The following SEMA5A variants were observed in gnomAD, a reference collection of about 807,000 sequenced individuals.
SEMA5A encodes the protein semaphorin 5A.
In SEMA5A, 55 loss-of-function variants were observed where a neutral mutation model predicts 135.5. The observed-to-expected ratio is 0.41, with a 90% CI of 0.33 to 0.51. The LOEUF (loss-of-function observed/expected upper bound fraction) is 0.51. Among genes scored for constraint, SEMA5A ranks in the 20% least tolerant of loss-of-function variants. The probability of loss-of-function intolerance (pLI) is 0.37; values close to 1 mark genes in which losing one functional copy is unlikely to be tolerated. For synonymous variants in SEMA5A, 580 were observed against 546.5 expected, an observed-to-expected ratio of 1.06 and a Z score of -0.85; for missense variants, 1,290 against 1,419.9, an observed-to-expected ratio of 0.91 and a Z score of 1.47.
chr5:9,410,694 C>T (rs962318939), intron 2 of SEMA5A, among the ~76,000 whole-genome samples: 8 of 152,066 alleles, frequency 5.3e-5, no homozygotes, highest in African/African-American at 1.2e-4. Flanking sequence ...GAGCATCACA[C>T]ACCTGGGCCT....
At chr5:9,340,410 G>A (rs182707785) in intron 3 of SEMA5A, among the ~76,000 whole-genome samples, 56 of 152,270 alleles carry the variant, frequency 3.7e-4, no homozygotes, top group African/African-American at 8.7e-4. Flanking sequence ...AAAAGACTAC[G>A]AAAGATAGAA....
intron 21 of SEMA5A, among the ~76,000 whole-genome samples, chr5:9,049,785 A>G (rs542724596): frequency 7.2e-4 from 109 of 152,312 alleles, no homozygotes; most frequent in Middle Eastern, 3.4e-3. Context: ...CTTTATGGGT[A>G]TATGTAAGGC....
chr5:9,154,436 G>A (rs1285233067), intron 12 of SEMA5A, 52 bp downstream of exon 12: 1 of 1,571,442 alleles, frequency 6.4e-7, no homozygotes, highest in South Asian at 1.1e-5. Context: ...GCTCTCTCTG[G>A]GTGGGCCCTT....
intron 15 of SEMA5A, 108 bp downstream of exon 15, chr5:9,118,890 C>T: frequency 1.5e-6 from 2 of 1,368,894 alleles, no homozygotes; most frequent in Non-Finnish European, 2.0e-6. Context: ...AAAGGGATGC[C>T]ACACATAAGC....
chr5:9,351,932 C>T (rs145734713), intron 3 of SEMA5A, among the ~76,000 whole-genome samples: 29 of 152,282 alleles, frequency 1.9e-4, no homozygotes, highest in African/African-American at 5.5e-4. Flanking sequence ...TCTCAGACTC[C>T]GCTGCTTTTC....
chr5:9,148,966 C>T (rs1454796772), intron 12 of SEMA5A, among the ~76,000 whole-genome samples: 2 of 152,164 alleles, frequency 1.3e-5, no homozygotes, highest in Non-Finnish European at 2.9e-5. Flanking sequence ...GTGATCTGCC[C>T]TCCTCAGCCT....
At chr5:9,287,268 A>AAT (rs1390719906) in intron 5 of SEMA5A, among the ~76,000 whole-genome samples, 4 of 152,230 alleles carry the variant, frequency 2.6e-5, no homozygotes, top group African/African-American at 9.6e-5. Flanking sequence ...AGCTAGGGTT[A>AAT]ATTGAATATC....
intron 22 of SEMA5A, chr5:9,043,217 T>C: frequency 2.1e-6 from 1 of 480,358 alleles, no homozygotes; most frequent in Non-Finnish European, 3.6e-6. Flanking sequence ...GGTTGGCAGT[T>C]TGTGATATCT....
In SEMA5A at chr5:9,167,210, G is replaced by T. The variant is rs142851556; in HGVS notation, c.1274-12515C>A. On this transcript the variant is annotated intron_variant, in intron 11 of 22. Transcript: ENST00000382496. ...GCCTGATGTTCCAAGCTGTTTGTTAGCTCGTTATGAGCTTTCTTTAGGCAC... is the reference window on the plus strand; with the variant it reads ...GCCTGATGTTCCAAGCTGTTTGTTATCTCGTTATGAGCTTTCTTTAGGCAC... Among the ~76,000 whole-genome samples, 33 of 152,270 alleles carry T rather than the reference G, an allele frequency of 2.2e-4. No individual in the cohort carries two copies. In the East Asian group the frequency reaches 6.0e-3, roughly 28 times the overall value.
intron 9 of SEMA5A, among the ~76,000 whole-genome samples, chr5:9,200,857 A>G (rs1475977813): frequency 2.6e-5 from 4 of 152,186 alleles, no homozygotes; most frequent in Non-Finnish European, 5.9e-5. Context: ...AAATTAAAAT[A>G]CTTAGGAAGC....
Position 9,158,036 on chromosome 5 carries a change from TA to T in SEMA5A, c.1274-3342del, listed in dbSNP as rs201267721. Among the ~76,000 whole-genome samples, 438 of 152,362 alleles carry T rather than the reference TA, an allele frequency of 2.9e-3. 1 individual carries two copies. Among genetic ancestry groups the T allele is most frequent in the African/African-American group, 9.6e-3 (401 of 41,588 alleles). On this transcript the variant is annotated intron_variant, in intron 11 of 22. Coordinates refer to ENST00000382496, the MANE Select transcript of SEMA5A (RefSeq NM_003966.3). ...GAAAAGAACTATGTCAGTTGTGTCA[TA>T]TGATGTATGTGTAGTGGCTGCTATT...
intron 2 of SEMA5A, among the ~76,000 whole-genome samples, chr5:9,436,774 T>C (rs1758047193): frequency 6.6e-6 from 1 of 152,178 alleles, no homozygotes; most frequent in African/African-American, 2.4e-5. Flanking sequence ...TACTTGTTCC[T>C]CCCCTACACA....
At chr5:9,115,100 C>A (rs963043811) in intron 15 of SEMA5A, among the ~76,000 whole-genome samples, 2 of 152,110 alleles carry the variant, frequency 1.3e-5, no homozygotes, top group Non-Finnish European at 2.9e-5. Flanking sequence ...AGTGGAGTAA[C>A]CTTGTAGAAA....
intron 2 of SEMA5A, among the ~76,000 whole-genome samples, chr5:9,395,093 T>C (rs1295423334): frequency 6.6e-6 from 1 of 152,230 alleles, no homozygotes; most frequent in Non-Finnish European, 1.5e-5. Context: ...TAATTTAAAA[T>C]GAGCAAAATA....
Position 9,038,716 on chromosome 5 carries a change from C to T in SEMA5A, c.*4181G>A, listed in dbSNP as rs144096161. 3,323 of 146,046 alleles carry T rather than the reference C, an allele frequency of 0.023. 62 individuals are homozygous for T. Among genetic ancestry groups the T allele is most frequent in the Non-Finnish European group, 0.03 (2,025 of 67,410 alleles). 9.0% of individuals were successfully genotyped at this position (146,046 alleles called of 1,614,324 possible). On this transcript the variant is annotated 3_prime_UTR_variant, in exon 23 of 23. Transcript: ENST00000382496. ...GCCACTTGGGGACATAGAGACCCCC[C>T]GCTAAGACTTTGTTCTTTTTTTTTT... is the stretch of plus-strand genomic sequence containing the variant.
chr5:9,190,666 C>T (rs868356919), intron 10 of SEMA5A, among the ~76,000 whole-genome samples, 195 bp from the exon 11 acceptor site: 5 of 152,266 alleles, frequency 3.3e-5, no homozygotes, highest in Middle Eastern at 3.4e-3. Context: ...GATTTGAACT[C>T]ATATCTTGGG....
intron 1 of SEMA5A, among the ~76,000 whole-genome samples, chr5:9,500,526 C>T (rs1735539460): frequency 6.6e-6 from 1 of 152,146 alleles, no homozygotes; most frequent in Non-Finnish European, 1.5e-5. Flanking sequence ...GACATCATCC[C>T]ACTCCATCCT....
chr5:9,429,317 G>A (rs763697004), intron 2 of SEMA5A, among the ~76,000 whole-genome samples: 1 of 152,090 alleles, frequency 6.6e-6, no homozygotes, highest in Non-Finnish European at 1.5e-5. Flanking sequence ...ATGCGATTCA[G>A]AAAGTCCCAG....
At chr5:9,505,962 A>G (rs1292902250) in intron 1 of SEMA5A, among the ~76,000 whole-genome samples, 1 of 152,208 alleles carries the variant, frequency 6.6e-6, no homozygotes, top group African/African-American at 2.4e-5. Flanking sequence ...TAAAACCATA[A>G]AGAATGAGTT....
Sources: allele counts gnomAD v4.1 joint callset (sites outside exome capture counted in the v4.1 genomes callset), GRCh38; gene constraint gnomAD v4.1.1; transcripts MANE v1.5; gene names NCBI Gene and HGNC (gene_info 2026-07-23, HGNC 2026-07-21).